Variants in CD44 observed in about 807,000 individuals in gnomAD.
CD44 encodes the protein CD44 molecule (IN blood group).
A neutral mutation model predicts 88.8 loss-of-function variants in CD44; 49 were observed. That is an observed-to-expected ratio of 0.55 (90% confidence interval 0.44 to 0.70). CD44 has a LOEUF of 0.70. Among genes scored for constraint, CD44 ranks in the 30% least tolerant of loss-of-function variants. The pLI is 0.00. For synonymous variants in CD44, 325 were observed against 312.3 expected (o/e 1.04, Z -0.43); for missense variants, 883 against 913.8 (o/e 0.97, Z 0.43).
At chr11:35,199,674 C>T (rs903978286) in intron 7 of CD44, among the ~76,000 whole-genome samples, 3 of 152,062 alleles carry the variant, frequency 2.0e-5, no homozygotes, top group African/African-American at 7.2e-5. Context: ...AGACCCGACA[C>T]CCCTCCAGAG....
intron 1 of CD44, among the ~76,000 whole-genome samples, chr11:35,146,873 A>G (rs1401391364): frequency 6.6e-6 from 1 of 152,214 alleles, no homozygotes; most frequent in Non-Finnish European, 1.5e-5. Context: ...TTTAAACATG[A>G]TGTCAGAGGA....
intron 1 of CD44, among the ~76,000 whole-genome samples, chr11:35,167,436 G>A (rs1176932355): frequency 6.6e-6 from 1 of 152,168 alleles, no homozygotes; most frequent in Admixed American, 6.5e-5. Context: ...TAACAATAAT[G>A]CTTTAAAACA....
rs1302317969 is a variant in CD44, at chr11:35,153,701, A to G, written c.67+14331A>G. 2.6e-5 allele frequency among the ~76,000 whole-genome samples: 4 copies of G among 152,216 alleles called. No homozygotes were observed. The East Asian group carries it at 7.7e-4, about 29-fold the overall frequency. ...ACTAATGATGCCTTTGTTTAATTAC[A>G]CTTGTGGTAAGTGCTATGAAGGAGA... On this transcript the variant is annotated intron_variant, in intron 1 of 17. Coordinates refer to ENST00000428726, the MANE Select transcript of CD44 (RefSeq NM_000610.4).
chr11:35,155,208 G>A (rs1486474488), intron 1 of CD44, among the ~76,000 whole-genome samples: 1 of 152,174 alleles, frequency 6.6e-6, no homozygotes, highest in Non-Finnish European at 1.5e-5. Context: ...GCTTGACTTA[G>A]ACCAATCATG....
intron 3 of CD44, among the ~76,000 whole-genome samples, chr11:35,183,534 T>C (rs1289509862): frequency 6.6e-6 from 1 of 152,198 alleles, no homozygotes; most frequent in Non-Finnish European, 1.5e-5. Context: ...CAGGTGGTCA[T>C]GTCCCAGTGC....
At chr11:35,201,609 A>G in intron 8 of CD44, 62 bp from the exon 9 acceptor site, 1 of 1,594,266 alleles carries the variant, frequency 6.3e-7, no homozygotes, top group South Asian at 1.1e-5. Context: ...TTAATGGAAG[A>G]ATAGAATCAT....
At chr11:35,222,449 A>G (rs1949380494) in intron 17 of CD44, 1 of 1,267,396 alleles carries the variant, frequency 7.9e-7, no homozygotes. Flanking sequence ...TCTATGAAGC[A>G]GAGAAGAACT....
chr11:35,170,129 T>C (rs1004994165), intron 1 of CD44, among the ~76,000 whole-genome samples: 1 of 152,188 alleles, frequency 6.6e-6, no homozygotes, highest in African/African-American at 2.4e-5. Context: ...CATGTAATAG[T>C]CCCATAAACC....
At chr11:35,222,598 AATAT>A (rs55982807) in intron 17 of CD44, 949 of 542,332 alleles carry the variant, frequency 1.7e-3, no homozygotes, top group Non-Finnish European at 2.0e-3. Context: ...TTTTATATAT[AATAT>A]ATATATATAT....
chr11:35,185,626 T>A (rs1294343252), intron 3 of CD44, among the ~76,000 whole-genome samples: 1 of 152,192 alleles, frequency 6.6e-6, no homozygotes, highest in Non-Finnish European at 1.5e-5. Flanking sequence ...ATCCATCTCC[T>A]TCTTCCTCTT....
At chr11:35,142,696 G>T (rs920680745) in intron 1 of CD44, among the ~76,000 whole-genome samples, 2 of 152,218 alleles carry the variant, frequency 1.3e-5, no homozygotes, top group Non-Finnish European at 2.9e-5. Context: ...TGCTGCAAAG[G>T]CATGGTGACA....
chr11:35,171,819 A>G (rs935547767), intron 1 of CD44, among the ~76,000 whole-genome samples: 3 of 151,702 alleles, frequency 2.0e-5, no homozygotes, highest in African/African-American at 7.3e-5. Flanking sequence ...GTGCCCTTTG[A>G]AGATTTTTAA....
At chr11:35,176,764 T>C (rs1944507560) in intron 2 of CD44, 24 bp downstream of exon 2, 1 of 1,604,410 alleles carries the variant, frequency 6.2e-7, no homozygotes, top group Admixed American at 1.7e-5. Flanking sequence ...ACCCGACCAC[T>C]GGGGAAAGCT....
intron 14 of CD44, chr11:35,213,698 GTGGTGATGGTGATGGTGA>G (rs1554974662): frequency 1.3e-5 from 2 of 152,304 alleles, no homozygotes; most frequent in East Asian, 3.8e-4. Flanking sequence ...AGTGGTGGTG[GTGGTGATGGTGATGGTGA>G]TGGTGATAAT....
chr11:35,161,589 T>C (rs1011931823), intron 1 of CD44, among the ~76,000 whole-genome samples: 1 of 152,100 alleles, frequency 6.6e-6, no homozygotes, highest in Non-Finnish European at 1.5e-5. Flanking sequence ...TCTGATTGGA[T>C]TTTGCCTTGA....
chr11:35,205,957 A>G (rs1947795496), intron 10 of CD44, 155 bp from the exon 11 acceptor site: 2 of 1,284,882 alleles, frequency 1.6e-6, no homozygotes, highest in Non-Finnish European at 2.0e-6. Context: ...CTGCTGAAAC[A>G]TTCTGCGTTT....
In CD44 at chr11:35,163,644, C is replaced by A. The variant is rs373382966; in HGVS notation, c.68-12931C>A. 1.6e-4 allele frequency among the ~76,000 whole-genome samples: 24 copies of A among 152,224 alleles called. No individual in the cohort carries two copies. The South Asian group carries it at 5.0e-3, about 32-fold the overall frequency. ...AGCCTCTTAAATCCCAGTGCAAGAC[C>A]AATTTCTCTATGAAATTCTCCCTGT... On this transcript the variant is annotated intron_variant, in intron 1 of 17. Coordinates refer to ENST00000428726, the MANE Select transcript of CD44 (RefSeq NM_000610.4).
At chr11:35,223,909 TA>T (rs1949504485) in intron 17 of CD44, among the ~76,000 whole-genome samples, 1 of 152,142 alleles carries the variant, frequency 6.6e-6, no homozygotes, top group South Asian at 2.1e-4. Context: ...GGGCCTCCAA[TA>T]GGTGTTCATT....
At chr11:35,142,596 T>A (rs1021202831) in intron 1 of CD44, among the ~76,000 whole-genome samples, 6 of 152,198 alleles carry the variant, frequency 3.9e-5, no homozygotes, top group Non-Finnish European at 8.8e-5. Context: ...TGTTTTCCCA[T>A]GTGAAGGAGC....
Sources: gnomAD v4.1 joint callset for allele counts (sites outside exome capture counted in the v4.1 genomes callset) on GRCh38, gnomAD v4.1.1 for gene constraint, MANE v1.5 for transcripts, NCBI Gene and HGNC (gene_info 2026-07-23, HGNC 2026-07-21) for gene names.